Variants in WBP1L observed in about 807,000 individuals in gnomAD.
WBP1L encodes the protein WW domain binding protein 1-like.
In WBP1L, 17 loss-of-function variants were observed where a neutral mutation model predicts 33.7. That is an observed-to-expected ratio of 0.50 (90% CI 0.34 to 0.76). The LOEUF (loss-of-function observed/expected upper bound fraction) is 0.76. WBP1L is among the 30% of genes least tolerant of loss of function. The pLI is 0.01. For missense variants in WBP1L, 389 were observed against 469.4 expected, an observed-to-expected ratio of 0.83 and a Z score of 1.58; for synonymous variants, 173 against 190.8, an observed-to-expected ratio of 0.91 and a Z score of 0.77.
At chr10:102,788,470 G>C (rs370208080) in intron 1 of WBP1L, among the ~76,000 whole-genome samples, 8 of 152,160 alleles carry the variant, frequency 5.3e-5, no homozygotes, top group South Asian at 4.1e-4. Context: ...ATGAAGCTTT[G>C]CCTCCTTACC....
chr10:102,780,014 T>C (rs1843316284), intron 1 of WBP1L, among the ~76,000 whole-genome samples: 1 of 152,256 alleles, frequency 6.6e-6, no homozygotes. Flanking sequence ...GCATTGAATT[T>C]GCCTGGGGCA....
chr10:102,811,572 G>A (rs1454150415), intron 3 of WBP1L, among the ~76,000 whole-genome samples: 4 of 152,138 alleles, frequency 2.6e-5, no homozygotes, highest in Non-Finnish European at 5.9e-5. Flanking sequence ...CTGCAGTGGC[G>A]TGATCTTGGC....
At chr10:102,804,234 C>CA (rs752059567) in intron 2 of WBP1L, among the ~76,000 whole-genome samples, 1 of 151,470 alleles carries the variant, frequency 6.6e-6, no homozygotes, top group Non-Finnish European at 1.5e-5. Context: ...ACTAAAAATA[C>CA]AAAATTAGCT....
intron 1 of WBP1L, among the ~76,000 whole-genome samples, chr10:102,752,276 C>T (rs1013600239): frequency 2.0e-5 from 3 of 152,082 alleles, no homozygotes; most frequent in Admixed American, 6.6e-5. Flanking sequence ...CCTGCTGTGG[C>T]CTTACCAGGT....
chr10:102,746,714 C>G (rs558215285), intron 1 of WBP1L, among the ~76,000 whole-genome samples: 1 of 152,116 alleles, frequency 6.6e-6, no homozygotes, highest in South Asian at 2.1e-4. Flanking sequence ...GTCCTTAATT[C>G]AACAATGAAG....
At chr10:102,751,828 A>G (rs1842926717) in intron 1 of WBP1L, among the ~76,000 whole-genome samples, 1 of 152,170 alleles carries the variant, frequency 6.6e-6, no homozygotes, top group African/African-American at 2.4e-5. Flanking sequence ...TTCCTCATCT[A>G]TAAAATGGGA....
chr10:102,759,956 C>T (rs1024796273), intron 1 of WBP1L, among the ~76,000 whole-genome samples: 1 of 152,176 alleles, frequency 6.6e-6, no homozygotes, highest in Non-Finnish European at 1.5e-5. Context: ...TTTTCTGAAG[C>T]AGCTGCACCA....
intron 1 of WBP1L, among the ~76,000 whole-genome samples, chr10:102,751,547 A>T (rs769572462): frequency 2.0e-5 from 3 of 152,132 alleles, no homozygotes; most frequent in Non-Finnish European, 4.4e-5. Context: ...GGCACAAGCG[A>T]TCTGCTCGCC....
At chr10:102,747,985 G>A (rs893390809) in intron 1 of WBP1L, among the ~76,000 whole-genome samples, 6 of 151,854 alleles carry the variant, frequency 4.0e-5, no homozygotes, top group African/African-American at 7.3e-5. Context: ...GGCCTGGCAC[G>A]GTGGCTCACA....
At chr10:102,745,391 C>T (rs1842853685) in intron 1 of WBP1L, among the ~76,000 whole-genome samples, 1 of 152,222 alleles carries the variant, frequency 6.6e-6, no homozygotes, top group Non-Finnish European at 1.5e-5. Context: ...ACTACCACCT[C>T]TATCTAGTTC....
chr10:102,766,514 TG>T (rs1416263812), intron 1 of WBP1L, among the ~76,000 whole-genome samples: 2 of 150,914 alleles, frequency 1.3e-5, no homozygotes, highest in Non-Finnish European at 3.0e-5. Flanking sequence ...CTCAGCTACT[TG>T]GGAGGCTGAG....
intron 2 of WBP1L, among the ~76,000 whole-genome samples, chr10:102,808,136 C>T (rs550889810): frequency 6.6e-6 from 1 of 152,090 alleles, no homozygotes; most frequent in South Asian, 2.1e-4. Flanking sequence ...GCTGTGATCG[C>T]ACCACTGTAC....
intron 1 of WBP1L, among the ~76,000 whole-genome samples, chr10:102,770,256 T>A (rs947791615): frequency 3.3e-5 from 5 of 152,236 alleles, no homozygotes; most frequent in African/African-American, 1.2e-4. Context: ...CTCTCCTTTC[T>A]TGAGTTAGAA....
At chr10:102,789,825 C>T (rs1240451148) in intron 1 of WBP1L, among the ~76,000 whole-genome samples, 1 of 151,516 alleles carries the variant, frequency 6.6e-6, no homozygotes, top group South Asian at 2.1e-4. Flanking sequence ...TCACTGCAAC[C>T]CCCGCCTCTC....
intron 1 of WBP1L, among the ~76,000 whole-genome samples, chr10:102,775,764 CG>C (rs1472893848): frequency 1.3e-5 from 2 of 152,100 alleles, no homozygotes; most frequent in East Asian, 3.9e-4. Context: ...TACTGAGCAC[CG>C]ACTCTGGCAG....
chr10:102,811,998 C>G (rs886974650), intron 3 of WBP1L, among the ~76,000 whole-genome samples: 3 of 152,210 alleles, frequency 2.0e-5, no homozygotes, highest in African/African-American at 7.2e-5. Context: ...AGGCCCCTTA[C>G]CCTTTGCCGG....
intron 2 of WBP1L, among the ~76,000 whole-genome samples, chr10:102,801,558 A>G (rs1843657339): frequency 6.6e-6 from 1 of 152,140 alleles, no homozygotes; most frequent in African/African-American, 2.4e-5. Context: ...TAGGATGTGC[A>G]TTGGCCCAAA....
Position 102,757,822 on chromosome 10 carries a change from C to G in WBP1L, c.90+13679C>G, listed in dbSNP as rs192040367. Among the ~76,000 whole-genome samples, 169 of 150,510 alleles carry G rather than the reference C, an allele frequency of 1.1e-3. 1 individual carries two copies. Among genetic ancestry groups the G allele is most frequent in the African/African-American group, 3.8e-3 (154 of 40,990 alleles). On this transcript the variant is annotated intron_variant, in intron 1 of 3. Transcript: ENST00000448841. ...GAACTCCTGACCTCCAGTGATCCTC[C>G]TGCCTCGGCCTCCCAAAGTGCTGGG...
intron 1 of WBP1L, among the ~76,000 whole-genome samples, chr10:102,766,432 A>C (rs1843109908): frequency 8.2e-6 from 1 of 122,290 alleles, no homozygotes; most frequent in Non-Finnish European, 1.6e-5. Flanking sequence ...CAAGAGCGAA[A>C]CTCTGTCTCA....
Sources: gnomAD v4.1 joint callset for allele counts (sites outside exome capture counted in the v4.1 genomes callset) on GRCh38, gnomAD v4.1.1 for gene constraint, MANE v1.5 for transcripts, NCBI Gene and HGNC (gene_info 2026-07-23, HGNC 2026-07-21) for gene names.